MAP4K5: variants seen among roughly 807,000 people sequenced by gnomAD.
The protein encoded by MAP4K5 is mitogen-activated protein kinase kinase kinase kinase 5.
A neutral mutation model predicts 135.6 loss-of-function variants in MAP4K5; 82 were observed. That is an observed-to-expected ratio of 0.60 (90% CI 0.51 to 0.73). MAP4K5 has a LOEUF of 0.73. Ranked by LOEUF, MAP4K5 falls within the 30% of genes least tolerant of loss-of-function variation. MAP4K5 has a pLI of 0.00. For missense variants in MAP4K5, 907 were observed against 1,010.9 expected (o/e 0.90, Z 1.39); for synonymous variants, 347 against 335.0 (o/e 1.04, Z -0.39).
chr14:50,440,435 T>G lies in MAP4K5; in HGVS notation c.1571A>C (p.Tyr524Ser). ...ACCATCTTCAGTTCCAAAAATAATG[T>G]ACTGATCTAAAATAGTTGAGATAAA... ...SWIHPDTKDQ[Y>S]IIFGTEDGIY... is the part of the protein sequence containing the mutation. The change falls in exon 22 of 33, where the codon TAC (tyrosine) becomes TCC (serine). Residue 524 changes from tyrosine to serine, a missense_variant. Physicochemically the swap from Tyr to Ser is moderately radical, Grantham distance 144 (BLOSUM62 -2). This residue lies in a region of MAP4K5 where 690 missense variants were observed against 777.4 expected (regional missense o/e 0.89). Coordinates refer to ENST00000682126, the MANE Select transcript of MAP4K5 (RefSeq NM_006575.6). The G allele has an allele frequency of 6.4e-7, 1 of 1,551,006 alleles. No homozygotes were observed. The highest frequency in any genetic ancestry group is 8.8e-7 in the Non-Finnish European group (1 of 1,132,424).
intron 3 of MAP4K5, among the ~76,000 whole-genome samples, chr14:50,496,977 T>C (rs930937026): frequency 6.6e-6 from 1 of 152,210 alleles, no homozygotes; most frequent in African/African-American, 2.4e-5. Flanking sequence ...TTTTCTGTAT[T>C]AGTAAGTACT....
intron 1 of MAP4K5, among the ~76,000 whole-genome samples, chr14:50,554,870 T>G (rs1383733204): frequency 1.3e-5 from 2 of 152,180 alleles, no homozygotes; most frequent in Admixed American, 1.3e-4. Flanking sequence ...TGGGAGAACA[T>G]TTTTCTATAC....
At chr14:50,508,710 T>C (rs1360772447) in intron 2 of MAP4K5, among the ~76,000 whole-genome samples, 2 of 149,710 alleles carry the variant, frequency 1.3e-5, no homozygotes, top group African/African-American at 4.9e-5. Context: ...GAACTTAAAG[T>C]ATAAAAAAAA....
intron 26 of MAP4K5, among the ~76,000 whole-genome samples, chr14:50,437,138 A>G (rs994956081): frequency 2.6e-5 from 4 of 152,030 alleles, no homozygotes; most frequent in Non-Finnish European, 5.9e-5. Context: ...AGTTGGCTCA[A>G]CTCCTGTAAA....
chr14:50,543,117 C>G (rs1487421931), intron 1 of MAP4K5, among the ~76,000 whole-genome samples: 1 of 152,232 alleles, frequency 6.6e-6, no homozygotes, highest in East Asian at 1.9e-4. Flanking sequence ...GTCAATCAGC[C>G]TCTTTACACA....
At chr14:50,553,985 A>G (rs925076165) in intron 1 of MAP4K5, among the ~76,000 whole-genome samples, 2 of 152,168 alleles carry the variant, frequency 1.3e-5, no homozygotes, top group Admixed American at 6.5e-5. Context: ...GGAAGACTAC[A>G]TATTTGGTAC....
chr14:50,448,976 A>G (rs1566648275), intron 14 of MAP4K5, 144 bp from the exon 15 acceptor site: 1 of 622,732 alleles, frequency 1.6e-6, no homozygotes, highest in African/African-American at 1.9e-5. Flanking sequence ...TTTGACTACA[A>G]GAGTACCCCT....
At chr14:50,493,366 C>T (rs560578363) in intron 3 of MAP4K5, among the ~76,000 whole-genome samples, 3 of 152,266 alleles carry the variant, frequency 2.0e-5, no homozygotes, top group Admixed American at 2.0e-4. Context: ...AAGTACTATA[C>T]TTATGAAGTT....
At chr14:50,500,410 A>C (rs982129339) in intron 3 of MAP4K5, among the ~76,000 whole-genome samples, 1 of 152,202 alleles carries the variant, frequency 6.6e-6, no homozygotes, top group African/African-American at 2.4e-5. Context: ...TACCTCAGGC[A>C]AAAGGGAAGA....
chr14:50,517,157 T>G (rs1442965957), intron 2 of MAP4K5, among the ~76,000 whole-genome samples: 1 of 151,806 alleles, frequency 6.6e-6, no homozygotes, highest in African/African-American at 2.4e-5. Flanking sequence ...CAATACTTTT[T>G]TTTTTTTTTT....
chr14:50,531,870 C>A (rs1264590634), intron 2 of MAP4K5, 72 bp downstream of exon 2: 4 of 1,072,706 alleles, frequency 3.7e-6, no homozygotes, highest in African/African-American at 1.6e-5. Flanking sequence ...CGCCCCAATA[C>A]TTCGCAGGAA....
chr14:50,445,205 A>G lies in MAP4K5; in HGVS notation c.1186-11T>C. 1.2e-6 allele frequency: 2 copies of G among 1,610,900 alleles called. No homozygotes were observed. Among genetic ancestry groups the G allele is most frequent in the Non-Finnish European group, 8.5e-7 (1 of 1,178,382 alleles). On this transcript the variant is annotated splice_polypyrimidine_tract_variant and intron_variant, in intron 17 of 32. Coordinates refer to ENST00000682126, the MANE Select transcript of MAP4K5 (RefSeq NM_006575.6). ...ACTGCTTATCCTTGGCTAGTGGTAC[A>G]AAGACAAAAAAGTACTTTAACAGTT... is the stretch of plus-strand genomic sequence containing the variant.
At chr14:50,504,489 T>C (rs967725824) in intron 3 of MAP4K5, among the ~76,000 whole-genome samples, 6 of 152,082 alleles carry the variant, frequency 3.9e-5, no homozygotes, top group African/African-American at 9.7e-5. Flanking sequence ...CAAAAAATCA[T>C]TGAATACTTT....
intron 6 of MAP4K5, among the ~76,000 whole-genome samples, chr14:50,480,099 A>G (rs972787628): frequency 7.9e-5 from 12 of 152,128 alleles, no homozygotes; most frequent in Admixed American, 3.3e-4. Context: ...TTATCTGCAT[A>G]ATAGAATTTT....
chr14:50,527,123 G>A (rs1048559165), intron 2 of MAP4K5, among the ~76,000 whole-genome samples: 8 of 152,116 alleles, frequency 5.3e-5, no homozygotes, highest in Non-Finnish European at 1.2e-4. Context: ...GGCAGATCAC[G>A]AGGTCAGGAG....
At chr14:50,519,559 C>G (rs1419485907) in intron 2 of MAP4K5, among the ~76,000 whole-genome samples, 3 of 151,986 alleles carry the variant, frequency 2.0e-5, no homozygotes, top group Non-Finnish European at 2.9e-5. Flanking sequence ...GAGACTGAAG[C>G]AGGAGAATTG....
intron 2 of MAP4K5, among the ~76,000 whole-genome samples, chr14:50,530,590 T>C (rs1475211150): frequency 6.6e-6 from 1 of 152,186 alleles, no homozygotes; most frequent in Admixed American, 6.5e-5. Context: ...AAATGGCTAA[T>C]CCCTGGATAA....
intron 1 of MAP4K5, among the ~76,000 whole-genome samples, chr14:50,544,700 G>A (rs1048677477): frequency 9.9e-5 from 15 of 152,086 alleles, no homozygotes; most frequent in African/African-American, 3.4e-4. Context: ...TTGGGAGGCT[G>A]AGGTGGGAGG....
chr14:50,457,636 T>C (rs976563931), intron 13 of MAP4K5, among the ~76,000 whole-genome samples: 3 of 152,174 alleles, frequency 2.0e-5, no homozygotes, highest in African/African-American at 7.2e-5. Flanking sequence ...CTCTCATATA[T>C]TTCAATGTAC....
Sources: allele counts gnomAD v4.1 joint callset (sites outside exome capture counted in the v4.1 genomes callset), GRCh38; gene constraint gnomAD v4.1.1; regional missense constraint gnomAD v4.1.1; transcripts MANE v1.5; gene names NCBI Gene and HGNC (gene_info 2026-07-23, HGNC 2026-07-21).